DDX10: variants seen among roughly 807,000 people sequenced by gnomAD.
DDX10 encodes DEAD-box helicase 10, also known as probable ATP-dependent RNA helicase DDX10.
A neutral mutation model predicts 104.3 loss-of-function variants in DDX10; 74 were observed. The observed-to-expected ratio is 0.71, with a 90% CI of 0.59 to 0.86. The LOEUF (loss-of-function observed/expected upper bound fraction) is 0.86. DDX10 is among the 40% of genes least tolerant of loss of function. DDX10 has a pLI of 0.00. For missense variants in DDX10, 952 were observed against 1,040.0 expected (o/e 0.92, Z 1.16); for synonymous variants, 351 against 353.4 (o/e 0.99, Z 0.08).
chr11:108,919,194 G>C, intron 17 of DDX10: 1 of 152,150 alleles, frequency 6.6e-6, no homozygotes, highest in East Asian at 1.9e-4. Flanking sequence ...ACTTCCATTT[G>C]CTGTTGGACA....
chr11:108,813,663 A>G (rs1182850644), intron 13 of DDX10, among the ~76,000 whole-genome samples: 1 of 152,212 alleles, frequency 6.6e-6, no homozygotes, highest in East Asian at 1.9e-4. Flanking sequence ...AATGTTATAA[A>G]AGAATAAACC....
chr11:108,745,556 G>A (rs777156697), intron 13 of DDX10, among the ~76,000 whole-genome samples: 6 of 152,038 alleles, frequency 3.9e-5, no homozygotes, highest in Non-Finnish European at 8.8e-5. Context: ...TCTATTTTAC[G>A]TTTTAATGTT....
chr11:108,756,244 C>A (rs1307479423), intron 13 of DDX10, among the ~76,000 whole-genome samples: 1 of 151,998 alleles, frequency 6.6e-6, no homozygotes, highest in African/African-American at 2.4e-5. Flanking sequence ...TGAAATTCAA[C>A]TTGAGGTTGT....
chr11:108,705,850 A>G (rs73005530), intron 9 of DDX10, among the ~76,000 whole-genome samples: 46 of 152,356 alleles, frequency 3.0e-4, no homozygotes, highest in Non-Finnish European at 4.3e-4. Context: ...TAGTAACTAC[A>G]GGATGTCTTG....
intron 16 of DDX10, among the ~76,000 whole-genome samples, chr11:108,909,443 C>T (rs1376866999): frequency 2.2e-5 from 3 of 136,428 alleles, no homozygotes; most frequent in African/African-American, 8.2e-5. Context: ...TTCCCTTGTC[C>T]TGTGCCCCAC....
At chr11:108,739,067 C>T (rs2094321776) in intron 13 of DDX10, among the ~76,000 whole-genome samples, 1 of 152,078 alleles carries the variant, frequency 6.6e-6, no homozygotes, top group Admixed American at 6.5e-5. Context: ...ACAACTCTGC[C>T]CCCCCAGGGA....
At chr11:108,852,040 A>G (rs900716611) in intron 15 of DDX10, 113 bp from the exon 16 acceptor site, 2 of 809,154 alleles carry the variant, frequency 2.5e-6, no homozygotes, top group Admixed American at 2.7e-5. Flanking sequence ...ATATTTGTTG[A>G]AAAATGAATG....
intron 16 of DDX10, among the ~76,000 whole-genome samples, chr11:108,902,702 T>G (rs1863533664): frequency 6.6e-6 from 1 of 152,100 alleles, no homozygotes; most frequent in African/African-American, 2.4e-5. Context: ...TGTTCCTGAA[T>G]GTATTGAGTC....
chr11:108,919,172 G>A (rs940291292), intron 17 of DDX10: 2 of 152,160 alleles, frequency 1.3e-5, no homozygotes, highest in African/African-American at 4.8e-5. Flanking sequence ...GTTTTCTGAG[G>A]TGATGCCAGA....
intron 13 of DDX10, among the ~76,000 whole-genome samples, chr11:108,835,732 C>T (rs897501155): frequency 1.3e-5 from 2 of 151,826 alleles, no homozygotes; most frequent in Admixed American, 6.6e-5. Context: ...GGATTTGGTC[C>T]GTGCCTAATT....
chr11:108,725,139 T>C (rs989386898), intron 13 of DDX10, among the ~76,000 whole-genome samples: 11 of 152,082 alleles, frequency 7.2e-5, no homozygotes, highest in East Asian at 1.9e-4. Flanking sequence ...CTTAACGTTA[T>C]TGCATGCATC....
intron 11 of DDX10, among the ~76,000 whole-genome samples, chr11:108,718,325 A>C (rs138968121): frequency 6.6e-6 from 1 of 152,226 alleles, no homozygotes; most frequent in Non-Finnish European, 1.5e-5. Flanking sequence ...TTGGACTTCT[A>C]TAAGCTCACT....
chr11:108,853,989 G>C (rs913604192), intron 16 of DDX10, among the ~76,000 whole-genome samples: 1 of 152,156 alleles, frequency 6.6e-6, no homozygotes, highest in African/African-American at 2.4e-5. Context: ...CCATTTCACA[G>C]CCCTTTTCTG....
intron 13 of DDX10, among the ~76,000 whole-genome samples, chr11:108,761,209 A>C (rs1224073278): frequency 6.6e-6 from 1 of 152,140 alleles, no homozygotes; most frequent in African/African-American, 2.4e-5. Flanking sequence ...AATGAGAACC[A>C]GGGCATGAGC....
rs1368687887 is a variant in DDX10 at position 108,781,724 on chromosome 11, G to T, written c.1966-56722G>T. On this transcript the variant is annotated intron_variant, in intron 13 of 17. Coordinates refer to ENST00000322536, the MANE Select transcript of DDX10 (RefSeq NM_004398.4). Reference sequence around the variant, plus strand: ...AGTGTAGTTAAAACTGTAAACCAAAGAATCGCCCTCTCACCCCCATTGTTT... The same window carrying T: ...AGTGTAGTTAAAACTGTAAACCAAATAATCGCCCTCTCACCCCCATTGTTT... Among the ~76,000 whole-genome samples the T allele has an allele frequency of 3.9e-5, 6 of 152,088 alleles. No individual in the cohort carries two copies. The South Asian group carries it at 8.3e-4, about 21-fold the overall frequency.
At chr11:108,726,632 A>T (rs2094305740) in intron 13 of DDX10, among the ~76,000 whole-genome samples, 1 of 151,858 alleles carries the variant, frequency 6.6e-6, no homozygotes, top group Non-Finnish European at 1.5e-5. Flanking sequence ...GTGAATGAGG[A>T]TGGTTTCATT....
intron 16 of DDX10, among the ~76,000 whole-genome samples, chr11:108,868,037 T>C (rs1315834716): frequency 1.3e-5 from 2 of 152,148 alleles, no homozygotes; most frequent in Non-Finnish European, 2.9e-5. Flanking sequence ...ATTGTAGCTT[T>C]GCATATACTG....
At chr11:108,667,117 G>T (rs189965398) in intron 1 of DDX10, among the ~76,000 whole-genome samples, 16 of 152,258 alleles carry the variant, frequency 1.1e-4, no homozygotes, top group Non-Finnish European at 1.8e-4. Context: ...CTTTCAACAG[G>T]GATCAGCAAA....
At chr11:108,822,278 A>G (rs1443123461) in intron 13 of DDX10, 3 of 239,186 alleles carry the variant, frequency 1.3e-5, no homozygotes, top group African/African-American at 2.3e-5. Context: ...TATGGTACAC[A>G]TAAAAAAGTC....
Sources: gnomAD v4.1 joint callset for allele counts (sites outside exome capture counted in the v4.1 genomes callset) on GRCh38, gnomAD v4.1.1 for gene constraint, MANE v1.5 for transcripts, NCBI Gene and HGNC (gene_info 2026-07-23, HGNC 2026-07-21) for gene names.